The following TIAM1 variants were observed in gnomAD, a reference collection of about 807,000 sequenced individuals.
The protein encoded by TIAM1 is TIAM Rac1 associated GEF 1, also known as rho guanine nucleotide exchange factor TIAM1.
TIAM1 carries 65 observed loss-of-function variants against 163.5 expected under a neutral mutation model. The ratio of observed to expected loss-of-function variants is 0.40; its 90% CI spans 0.33 to 0.49. TIAM1 has a LOEUF of 0.49. TIAM1 is among the 20% of genes least tolerant of loss of function. TIAM1 has a pLI of 0.77. For missense variants in TIAM1, 1,789 were observed against 2,044.7 expected (o/e 0.87, Z 2.41); for synonymous variants, 833 against 810.1 (o/e 1.03, Z -0.48).
intron 2 of TIAM1, among the ~76,000 whole-genome samples, chr21:31,329,145 C>T (rs2075592041): frequency 6.6e-6 from 1 of 152,110 alleles, no homozygotes. Flanking sequence ...GAGGGGATGT[C>T]CTGGAACGAA....
upstream of TIAM1, among the ~76,000 whole-genome samples, chr21:31,347,671 A>T (rs1037279175): frequency 6.6e-6 from 1 of 152,222 alleles, no homozygotes. Context: ...GATCGGGATG[A>T]ACCTGGGAAT....
At chr21:31,355,528 ATTATTTAT>A (rs56133305) in intron 2 of TIAM1, among the ~76,000 whole-genome samples, 63,825 of 144,518 alleles carry the variant, frequency 0.44, 14,273 homozygotes, top group Admixed American at 0.52. Flanking sequence ...TCTCTCCTTT[ATTATTTAT>A]TTATTTATTT....
At chr21:31,450,957 A>G (rs1274063841) in intron 2 of TIAM1, among the ~76,000 whole-genome samples, 1 of 152,112 alleles carries the variant, frequency 6.6e-6, no homozygotes, top group African/African-American at 2.4e-5. Flanking sequence ...CAGCCAAACC[A>G]TATCAAGAGT....
At chr21:31,139,415 A>C (rs1336594872) in intron 22 of TIAM1, among the ~76,000 whole-genome samples, 1 of 152,242 alleles carries the variant, frequency 6.6e-6, no homozygotes, top group East Asian at 1.9e-4. Flanking sequence ...CATATTAGTC[A>C]ATAACAAAAA....
At chr21:31,178,560 C>A (rs575534052) in intron 15 of TIAM1, among the ~76,000 whole-genome samples, 1 of 152,208 alleles carries the variant, frequency 6.6e-6, no homozygotes, top group Admixed American at 6.5e-5. Context: ...CCTGCCTCGG[C>A]CTCCCGAAGT....
chr21:31,398,453 A>G (rs1361192384), intron 2 of TIAM1, among the ~76,000 whole-genome samples: 1 of 152,180 alleles, frequency 6.6e-6, no homozygotes, highest in Non-Finnish European at 1.5e-5. Flanking sequence ...ATTTTACTCC[A>G]CTAAAAATGA....
chr21:31,217,806 T>C, intron 8 of TIAM1, 107 bp from the exon 9 acceptor site: 1 of 1,411,606 alleles, frequency 7.1e-7, no homozygotes. Flanking sequence ...TCCTCCATCA[T>C]GCCAGCCAAC....
Position 31,193,540 on chromosome 21 carries a change from G to A in TIAM1, c.2575+1684C>T, listed in dbSNP as rs146015859. On this transcript the variant is annotated intron_variant, in intron 13 of 27. Coordinates refer to ENST00000541036, the MANE Select transcript of TIAM1 (RefSeq NM_001353694.2). ...ACGTGACTCCACTGAAACAGGGCCC[G>A]CTGAAGCTCACACCTGGTTTCCCCT... is the stretch of plus-strand genomic sequence containing the variant. Among the ~76,000 whole-genome samples the A allele has an allele frequency of 7.2e-4, 109 of 152,278 alleles. No homozygotes were observed. In the East Asian group the frequency reaches 8.1e-3, roughly 11 times the overall value.
At chr21:31,443,906 T>C (rs1468596083) in intron 2 of TIAM1, among the ~76,000 whole-genome samples, 1 of 152,174 alleles carries the variant, frequency 6.6e-6, no homozygotes, top group Non-Finnish European at 1.5e-5. Context: ...TTACATAATA[T>C]AAAACATCAG....
chr21:31,548,132 C>CTTTTTTT (rs553946414), intron 1 of TIAM1, among the ~76,000 whole-genome samples: 2 of 74,994 alleles, frequency 2.7e-5, no homozygotes, highest in Non-Finnish European at 4.7e-5. Context: ...TTATTTGTGT[C>CTTTTTTT]TTTTTTTTTT....
chr21:31,462,516 T>C (rs1314441082), intron 2 of TIAM1, among the ~76,000 whole-genome samples: 2 of 152,180 alleles, frequency 1.3e-5, no homozygotes, highest in African/African-American at 2.4e-5. Context: ...AAAGTAACTG[T>C]GGTTTTTGCC....
In TIAM1 at chr21:31,141,267, C is replaced by T. The variant is rs774466460; in HGVS notation, c.3656-31G>A. 1.2e-6 allele frequency: 2 copies of T among 1,613,522 alleles called. No individual in the cohort carries two copies. The highest frequency in any genetic ancestry group is 2.7e-5 in the African/African-American group (2 of 74,914). ...AGAAAACAGGTTGTGAAATGAGAGG[C>T]TATTTAGAGACCCTCATGGAGACTC... On this transcript the variant is annotated intron_variant, in intron 21 of 27. Transcript: ENST00000541036. This position sits in a 1 kb window ranked among gnomAD's most constrained non-coding sequence, Gnocchi z 4.7.
intron 13 of TIAM1, among the ~76,000 whole-genome samples, chr21:31,191,223 A>G (rs1439217905): frequency 6.6e-6 from 1 of 151,824 alleles, no homozygotes; most frequent in Non-Finnish European, 1.5e-5. Flanking sequence ...GTGCAGTGGC[A>G]CAATCTCAGC....
At chr21:31,226,961 T>G (rs972871857) in intron 6 of TIAM1, among the ~76,000 whole-genome samples, 5 of 148,064 alleles carry the variant, frequency 3.4e-5, no homozygotes, top group Admixed American at 6.7e-5. Flanking sequence ...TGTTTTTTTT[T>G]TTTTTTTTTT....
At chr21:31,334,394 C>A (rs1602011737) in intron 2 of TIAM1, among the ~76,000 whole-genome samples, 1 of 152,030 alleles carries the variant, frequency 6.6e-6, no homozygotes, top group Admixed American at 6.6e-5. Context: ...AAGGGATTCT[C>A]CCCCTGCTCA....
intron 15 of TIAM1, among the ~76,000 whole-genome samples, chr21:31,171,376 T>G (rs997450032): frequency 6.6e-6 from 1 of 152,332 alleles, no homozygotes; most frequent in Middle Eastern, 3.4e-3. Flanking sequence ...ATTCAGATTT[T>G]GCTGAAATTA....
rs1001149373 is a variant in TIAM1 at position 31,191,106 on chromosome 21, A to G, written c.2576-4019T>C. Among the ~76,000 whole-genome samples the G allele has an allele frequency of 5.3e-5, 8 of 152,152 alleles. 1 individual carries two copies. The highest frequency in any genetic ancestry group is 2.6e-4 in the Admixed American group (4 of 15,274). Reference sequence around the variant, plus strand: ...AACATCAAATGCCAAAACCAACCCGAGCACGGAGAAGAAATGATTTAACTG... The same window carrying G: ...AACATCAAATGCCAAAACCAACCCGGGCACGGAGAAGAAATGATTTAACTG... On this transcript the variant is annotated intron_variant, in intron 13 of 27. Coordinates refer to ENST00000541036, the MANE Select transcript of TIAM1 (RefSeq NM_001353694.2).
chr21:31,382,239 C>T (rs1383265152), intron 2 of TIAM1, among the ~76,000 whole-genome samples: 1 of 152,182 alleles, frequency 6.6e-6, no homozygotes, highest in Non-Finnish European at 1.5e-5. Context: ...TGTTTGAACG[C>T]TTATCAGCGC....
At chr21:31,164,389 C>CAAA (rs542696881) in intron 16 of TIAM1, among the ~76,000 whole-genome samples, 45 of 95,044 alleles carry the variant, frequency 4.7e-4, no homozygotes, top group Admixed American at 1.2e-3. Context: ...GACTCCATCT[C>CAAA]AAAAAAAAAA....
Sources: gnomAD v4.1 joint callset for allele counts (sites outside exome capture counted in the v4.1 genomes callset) on GRCh38, gnomAD v4.1.1 for gene constraint, Gnocchi (gnomAD v3.1) non-coding constraint, MANE v1.5 for transcripts, NCBI Gene and HGNC (gene_info 2026-07-23, HGNC 2026-07-21) for gene names.